Variants in DOCK9 observed in about 807,000 individuals in gnomAD.
The protein encoded by DOCK9 is dedicator of cytokinesis 9, also known as dedicator of cytokinesis protein 9.
In DOCK9, 89 loss-of-function variants were observed where a neutral mutation model predicts 263.3. That is an observed-to-expected ratio of 0.34 (90% CI 0.28 to 0.40). The LOEUF (loss-of-function observed/expected upper bound fraction) is 0.40, where lower values mean the gene tolerates loss of function less well. Ranked by LOEUF, DOCK9 falls within the 10% of genes least tolerant of loss-of-function variation. DOCK9 has a pLI of 1.00. For synonymous variants in DOCK9, 976 were observed against 973.1 expected (o/e 1.00, Z -0.06); for missense variants, 2,140 against 2,603.4 (o/e 0.82, Z 3.87).
In DOCK9 at chr13:98,901,881, C is replaced by A; in HGVS notation, c.1400G>T (p.Cys467Phe). The A allele has an allele frequency of 6.2e-7, 1 of 1,612,410 alleles. No individual in the cohort carries two copies. Among genetic ancestry groups the A allele is most frequent in the Non-Finnish European group, 8.5e-7 (1 of 1,179,232 alleles). ...YPKQGIFSVT[C>F]PHPDIFLVAR... ...CACAAGAAATATATCTGGATGAGGA[C>A]AAGTGACTGAAAATATTCCCTAGGA... Residue 467 changes from cysteine to phenylalanine, a missense_variant, in exon 13 of 53, where the codon TGT becomes TTT. This residue lies in a region of DOCK9 where 1,521 missense variants were observed against 1,741.7 expected (regional missense o/e 0.87). Transcript: ENST00000682017.
chr13:98,944,251 G>A (rs2140650248), intron 2 of DOCK9, among the ~76,000 whole-genome samples: 1 of 152,186 alleles, frequency 6.6e-6, no homozygotes, highest in South Asian at 2.1e-4. Context: ...GATGTATACA[G>A]GTGGTATTTC....
At chr13:98,994,051 T>C (rs1437136537) in intron 1 of DOCK9, among the ~76,000 whole-genome samples, 1 of 152,162 alleles carries the variant, frequency 6.6e-6, no homozygotes, top group Non-Finnish European at 1.5e-5. Flanking sequence ...GGGTTTGGGA[T>C]GGTCCTTAAA....
chr13:98,987,048 G>GCACCATCACCATCTT (rs1878627961), intron 1 of DOCK9, among the ~76,000 whole-genome samples: 1 of 151,998 alleles, frequency 6.6e-6, no homozygotes, highest in South Asian at 2.1e-4. Flanking sequence ...GGTCACTGCA[G>GCACCATCACCATCTT]CACCATCACC....
At chr13:99,059,944 G>A (rs1429027654) in intron 1 of DOCK9, among the ~76,000 whole-genome samples, 1 of 150,346 alleles carries the variant, frequency 6.7e-6, no homozygotes, top group African/African-American at 2.5e-5. Flanking sequence ...TTCACATAAT[G>A]TTATCAAGAT....
intron 1 of DOCK9, among the ~76,000 whole-genome samples, chr13:99,050,953 C>T (rs995931850): frequency 2.6e-5 from 4 of 152,194 alleles, no homozygotes; most frequent in African/African-American, 4.8e-5. Flanking sequence ...AGGCCAAGCA[C>T]AAGCAGCTCA....
At chr13:99,049,262 C>A (rs1324930569) in intron 1 of DOCK9, among the ~76,000 whole-genome samples, 1 of 152,174 alleles carries the variant, frequency 6.6e-6, no homozygotes, top group African/African-American at 2.4e-5. Flanking sequence ...CACCCCTCAC[C>A]TTCCAACCTC....
At chr13:99,058,467 T>C (rs1374280591) in intron 1 of DOCK9, among the ~76,000 whole-genome samples, 1 of 151,822 alleles carries the variant, frequency 6.6e-6, no homozygotes, top group African/African-American at 2.4e-5. Context: ...TGGCCAAGAG[T>C]ACTTGATATC....
At position 98,807,645 on chromosome 13, in the gene DOCK9, C is replaced by T; in HGVS notation, c.5514+16G>A. 3 of 1,580,452 alleles carry T rather than the reference C, an allele frequency of 1.9e-6. No individual in the cohort carries two copies. The highest frequency in any genetic ancestry group is 2.6e-6 in the Non-Finnish European group (3 of 1,156,980). On this transcript the variant is annotated intron_variant, in intron 48 of 52. Transcript: ENST00000682017. ...AACATTACATTGCTATGAAACTTAT[C>T]CAAACATGGTCATACCTTGCCAGAA... is the stretch of plus-strand genomic sequence containing the variant.
intron 1 of DOCK9, among the ~76,000 whole-genome samples, chr13:99,012,246 T>C (rs1463938122): frequency 6.6e-6 from 1 of 150,510 alleles, no homozygotes; most frequent in African/African-American, 2.5e-5. Flanking sequence ...CGTGCTTCAG[T>C]ATAGGGCAAG....
At chr13:98,975,607 T>C (rs2060195407) in intron 1 of DOCK9, among the ~76,000 whole-genome samples, 1 of 152,100 alleles carries the variant, frequency 6.6e-6, no homozygotes, top group Non-Finnish European at 1.5e-5. Flanking sequence ...GACACTGTCT[T>C]TCCTACTGCT....
chr13:98,895,884 C>T (rs566878865), intron 15 of DOCK9, among the ~76,000 whole-genome samples: 1 of 152,246 alleles, frequency 6.6e-6, no homozygotes, highest in South Asian at 2.1e-4. Context: ...TCCAGGGGCA[C>T]TCCCTGGCCA....
chr13:99,081,809 C>CT (rs760743954), intron 1 of DOCK9, among the ~76,000 whole-genome samples: 4 of 152,222 alleles, frequency 2.6e-5, no homozygotes, highest in Non-Finnish European at 5.9e-5. Flanking sequence ...TTTGAACATG[C>CT]TACCTTCCTG....
intron 37 of DOCK9, chr13:98,847,039 T>C (rs1448497891): frequency 6.4e-6 from 1 of 155,764 alleles, no homozygotes; most frequent in African/African-American, 2.4e-5. Flanking sequence ...GCTTATGAAG[T>C]AGGAAGATTT....
intron 15 of DOCK9, among the ~76,000 whole-genome samples, chr13:98,894,677 C>T (rs1448881290): frequency 6.6e-6 from 1 of 151,630 alleles, no homozygotes; most frequent in Non-Finnish European, 1.5e-5. Context: ...TTTCTTGAAA[C>T]TCAAAAAATG....
At chr13:98,974,649 C>T (rs1056611934) in intron 1 of DOCK9, among the ~76,000 whole-genome samples, 1 of 145,716 alleles carries the variant, frequency 6.9e-6, no homozygotes, top group Non-Finnish European at 1.5e-5. Context: ...ACGCAGGAGG[C>T]TGAGACAGGA....
At chr13:98,940,671 TG>T (rs749869427) in intron 2 of DOCK9, among the ~76,000 whole-genome samples, 3 of 149,366 alleles carry the variant, frequency 2.0e-5, no homozygotes, top group Non-Finnish European at 3.0e-5. Context: ...GGTCTTGAGG[TG>T]GGGGGGCCTT....
At chr13:98,856,769 A>C (rs1377475419) in intron 33 of DOCK9, 1 of 152,176 alleles carries the variant, frequency 6.6e-6, no homozygotes, top group African/African-American at 2.4e-5. Flanking sequence ...TGCCTACTAA[A>C]TTGTTAGGAT....
chr13:98,841,383 C>T (rs2093205592), intron 38 of DOCK9, among the ~76,000 whole-genome samples: 2 of 152,150 alleles, frequency 1.3e-5, no homozygotes, highest in African/African-American at 2.4e-5. Context: ...TCTTAAAATC[C>T]TCTGTAAGGA....
intron 13 of DOCK9, among the ~76,000 whole-genome samples, chr13:98,900,819 C>A (rs1206626239): frequency 1.3e-5 from 2 of 152,158 alleles, no homozygotes; most frequent in African/African-American, 4.8e-5. Flanking sequence ...TTCTCAATGG[C>A]CATCGTGCAT....
Sources: allele counts gnomAD v4.1 joint callset (sites outside exome capture counted in the v4.1 genomes callset), GRCh38; gene constraint gnomAD v4.1.1; regional missense constraint gnomAD v4.1.1; transcripts MANE v1.5; gene names NCBI Gene and HGNC (gene_info 2026-07-23, HGNC 2026-07-21).